IL1RAPL1: variants seen among roughly 807,000 people sequenced by gnomAD.
IL1RAPL1 encodes interleukin 1 receptor accessory protein like 1.
In IL1RAPL1, 3 loss-of-function variants were observed where a neutral mutation model predicts 48.4. The ratio of observed to expected loss-of-function variants is 0.06; its 90% CI spans 0.03 to 0.16. IL1RAPL1 has a LOEUF of 0.16. Ranked by LOEUF, IL1RAPL1 falls within the 10% of genes least tolerant of loss-of-function variation. The pLI, the probability that IL1RAPL1 is intolerant of heterozygous loss-of-function variation, is 1.00. For missense variants in IL1RAPL1, 349 were observed against 530.6 expected (o/e 0.66, Z 3.36); for synonymous variants, 185 against 187.7 (o/e 0.99, Z 0.12).
At chrX:29,111,899 T>TGTTTGTAG (rs1928575225) in intron 2 of IL1RAPL1, among the ~76,000 whole-genome samples, 1 of 108,369 alleles carries the variant, frequency 9.2e-6, no homozygotes, top group African/African-American at 3.3e-5. Flanking sequence ...ATTTTCTCCC[T>TGTTTGTAG]GTTTGTAGGT....
At chrX:29,553,784 G>A (rs1921900246) in intron 5 of IL1RAPL1, among the ~76,000 whole-genome samples, 1 of 111,075 alleles carries the variant, frequency 9.0e-6, no homozygotes, top group South Asian at 3.8e-4. Context: ...GAACAGGAGG[G>A]GTGGGGTTCT....
intron 1 of IL1RAPL1, among the ~76,000 whole-genome samples, chrX:28,744,752 A>C (rs767722911): frequency 9.0e-6 from 1 of 111,582 alleles, no homozygotes; most frequent in African/African-American, 3.2e-5. Flanking sequence ...AATATAAAGT[A>C]ATGATCAGTT....
chrX:28,824,857 C>T (rs1936975484), intron 2 of IL1RAPL1, among the ~76,000 whole-genome samples: 1 of 111,468 alleles, frequency 9.0e-6, no homozygotes, highest in Non-Finnish European at 1.9e-5. Context: ...TTTTTGAAAA[C>T]CCTATTATAG....
intron 6 of IL1RAPL1, among the ~76,000 whole-genome samples, chrX:29,692,415 T>C (rs1363507454): frequency 8.9e-6 from 1 of 111,995 alleles, no homozygotes; most frequent in Non-Finnish European, 1.9e-5. Flanking sequence ...ATGAAAACTC[T>C]AGCAAAAGCT....
intron 2 of IL1RAPL1, among the ~76,000 whole-genome samples, chrX:29,211,406 G>C (rs1008177345): frequency 8.1e-5 from 9 of 111,760 alleles, no homozygotes; most frequent in Non-Finnish European, 1.7e-4. Context: ...TCCTGAAGTA[G>C]GTGACCATAA....
intron 3 of IL1RAPL1, among the ~76,000 whole-genome samples, chrX:29,349,938 A>T (rs1321111903): frequency 9.2e-6 from 1 of 108,124 alleles, no homozygotes; most frequent in Non-Finnish European, 1.9e-5. Flanking sequence ...GGCTCAATTA[A>T]TCTAACATGT....
intron 6 of IL1RAPL1, among the ~76,000 whole-genome samples, chrX:29,714,697 TGCTA>T (rs1337981908): frequency 1.8e-5 from 2 of 111,966 alleles, no homozygotes; most frequent in African/African-American, 6.5e-5. Flanking sequence ...ATTATTCATG[TGCTA>T]GGTCAGGAAA....
At chrX:29,119,451 A>G (rs1444003855) in intron 2 of IL1RAPL1, among the ~76,000 whole-genome samples, 1 of 111,610 alleles carries the variant, frequency 9.0e-6, no homozygotes, top group Non-Finnish European at 1.9e-5. Flanking sequence ...ATTACCACTC[A>G]ATTCTTAACA....
chrX:29,342,592 T>C (rs1314076556), intron 3 of IL1RAPL1, among the ~76,000 whole-genome samples: 1 of 112,140 alleles, frequency 8.9e-6, no homozygotes, highest in Non-Finnish European at 1.9e-5. Flanking sequence ...TGGGCAGCTT[T>C]GCCCTCACTG....
intron 5 of IL1RAPL1, among the ~76,000 whole-genome samples, chrX:29,456,277 G>A (rs1934737518): frequency 2.7e-5 from 3 of 112,012 alleles, no homozygotes. Context: ...GAGGTAAAGA[G>A]TATTTGAATT....
At chrX:29,692,529 T>C (rs1245890927) in intron 6 of IL1RAPL1, among the ~76,000 whole-genome samples, 1 of 112,276 alleles carries the variant, frequency 8.9e-6, no homozygotes, top group African/African-American at 3.2e-5. Flanking sequence ...ATTTTTCTAA[T>C]ACGTATTTGT....
intron 5 of IL1RAPL1, among the ~76,000 whole-genome samples, chrX:29,505,434 T>C (rs778723392): frequency 8.9e-6 from 1 of 111,800 alleles, no homozygotes; most frequent in South Asian, 3.7e-4. Flanking sequence ...ACAGATCGGG[T>C]CATGGTTAAT....
At chrX:28,758,321 A>G (rs1936127342) in intron 1 of IL1RAPL1, among the ~76,000 whole-genome samples, 1 of 111,939 alleles carries the variant, frequency 8.9e-6, no homozygotes, top group Non-Finnish European at 1.9e-5. Flanking sequence ...ATGGTGCCAT[A>G]GAGAGAAATG....
chrX:29,322,640 A>C (rs1434632556), intron 3 of IL1RAPL1, among the ~76,000 whole-genome samples: 1 of 111,553 alleles, frequency 9.0e-6, no homozygotes, highest in Non-Finnish European at 1.9e-5. Flanking sequence ...CTAAAACTGA[A>C]TGGCTTAAGA....
intron 2 of IL1RAPL1, among the ~76,000 whole-genome samples, chrX:28,903,462 C>T (rs1464485459): frequency 7.4e-5 from 8 of 107,406 alleles, no homozygotes; most frequent in African/African-American, 2.7e-4. Flanking sequence ...AGGCATGAGC[C>T]ACCATGCCCG....
intron 3 of IL1RAPL1, among the ~76,000 whole-genome samples, chrX:29,303,555 T>C (rs1932571042): frequency 8.9e-6 from 1 of 111,763 alleles, no homozygotes; most frequent in Non-Finnish European, 1.9e-5. Flanking sequence ...TCTAACAGCA[T>C]GAATCTTGGA....
At chrX:29,061,369 A>G (rs914667608) in intron 2 of IL1RAPL1, among the ~76,000 whole-genome samples, 2 of 112,228 alleles carry the variant, frequency 1.8e-5, no homozygotes, top group African/African-American at 6.5e-5. Context: ...ATGAGTGAAT[A>G]GATTTCCTTG....
At chrX:29,895,489 G>C (rs1218893503) in intron 6 of IL1RAPL1, among the ~76,000 whole-genome samples, 2 of 112,502 alleles carry the variant, frequency 1.8e-5, no homozygotes, top group Non-Finnish European at 3.8e-5. Context: ...AGGTTGCAGT[G>C]AGCAAGATCG....
chrX:29,168,674 TATATATATTC>T (rs1929841056), intron 2 of IL1RAPL1, among the ~76,000 whole-genome samples: 1 of 88,986 alleles, frequency 1.1e-5, no homozygotes, highest in East Asian at 3.5e-4. Flanking sequence ...ATATATATTG[TATATATATTC>T]ATATGTACAA....
Sources: gnomAD v4.1 joint callset for allele counts (sites outside exome capture counted in the v4.1 genomes callset) on GRCh38, gnomAD v4.1.1 for gene constraint, MANE v1.5 for transcripts, NCBI Gene and HGNC (gene_info 2026-07-23, HGNC 2026-07-21) for gene names.